ADAR: variants seen among roughly 807,000 people sequenced by gnomAD.
ADAR encodes adenosine deaminase RNA specific.
A neutral mutation model predicts 113.2 loss-of-function variants in ADAR; 41 were observed. The observed-to-expected ratio is 0.36, with a 90% CI of 0.28 to 0.47. The LOEUF is 0.47. ADAR is among the 20% of genes least tolerant of loss of function. The probability of loss-of-function intolerance (pLI) is 1.00; values close to 1 mark genes in which losing one functional copy is unlikely to be tolerated. For synonymous variants in ADAR, 605 were observed against 572.6 expected (o/e 1.06, Z -0.81); for missense variants, 1,242 against 1,540.9 (o/e 0.81, Z 3.25).
rs16836107 is a variant in ADAR, at chr1:154,592,303, C to A, written c.2271-1894G>T. The stretch of plus-strand genomic sequence containing the variant: ...TTCCCCCTCTCCTTCCTAAGTCAAA[C>A]TGTGCTATAATTGATTCTCGCTGCA... On this transcript the variant is annotated intron_variant, in intron 6 of 14. Transcript: ENST00000368474. Among the ~76,000 whole-genome samples the A allele has an allele frequency of 2.7e-3, 405 of 152,298 alleles. 17 individuals are homozygous for A. In the East Asian group the frequency reaches 0.071, roughly 27 times the overall value.
At chr1:154,606,646 C>T (rs1317783383) in intron 1 of ADAR, among the ~76,000 whole-genome samples, 2 of 152,148 alleles carry the variant, frequency 1.3e-5, no homozygotes, top group African/African-American at 2.4e-5. Context: ...CCGTTGAGTA[C>T]AGCCATTTGG....
intron 1 of ADAR, among the ~76,000 whole-genome samples, chr1:154,606,795 G>C (rs1235247770): frequency 2.0e-5 from 3 of 151,948 alleles, no homozygotes; most frequent in African/African-American, 7.3e-5. Context: ...CTTTAATCTG[G>C]TCTCACATAT....
At chr1:154,607,748 C>T (rs1180624593) in intron 1 of ADAR, among the ~76,000 whole-genome samples, 1 of 149,814 alleles carries the variant, frequency 6.7e-6, no homozygotes, top group African/African-American at 2.5e-5. Flanking sequence ...CACACACACA[C>T]ACACTCTCAC....
At chr1:154,620,109 A>G (rs879373319) in intron 1 of ADAR, among the ~76,000 whole-genome samples, 1 of 152,220 alleles carries the variant, frequency 6.6e-6, no homozygotes, top group Admixed American at 6.5e-5. Flanking sequence ...TGAACTATAC[A>G]CTTAAAAATG....
chr1:154,611,970 T>G (rs1201413478), upstream of ADAR, among the ~76,000 whole-genome samples: 1 of 152,252 alleles, frequency 6.6e-6, no homozygotes, highest in Non-Finnish European at 1.5e-5. Flanking sequence ...GAGTTGGTTT[T>G]GTTTTCCAAT....
At chr1:154,619,698 C>G (rs1698735620) in intron 1 of ADAR, among the ~76,000 whole-genome samples, 1 of 152,162 alleles carries the variant, frequency 6.6e-6, no homozygotes, top group Non-Finnish European at 1.5e-5. Context: ...GTAATGGGAA[C>G]AGACATGTAA....
chr1:154,627,617 C>T (rs1205011873), intron 1 of ADAR, among the ~76,000 whole-genome samples: 1 of 152,226 alleles, frequency 6.6e-6, no homozygotes, highest in African/African-American at 2.4e-5. Context: ...CGCGCACACA[C>T]GGGCGCGCAC....
chr1:154,624,153 G>T (rs941785131), intron 1 of ADAR, among the ~76,000 whole-genome samples: 6 of 152,200 alleles, frequency 3.9e-5, no homozygotes, highest in Non-Finnish European at 8.8e-5. Flanking sequence ...CTTGCCTTTG[G>T]ACTTTCTAGT....
intron 1 of ADAR, among the ~76,000 whole-genome samples, chr1:154,603,665 C>T (rs1332913077): frequency 1.3e-5 from 2 of 152,132 alleles, no homozygotes; most frequent in African/African-American, 2.4e-5. Flanking sequence ...GTACTGTCTT[C>T]TCCCCAGGGC....
intron 1 of ADAR, among the ~76,000 whole-genome samples, chr1:154,607,548 G>C (rs1302236558): frequency 6.6e-6 from 1 of 152,092 alleles, no homozygotes; most frequent in Non-Finnish European, 1.5e-5. Flanking sequence ...TTCCACAAGG[G>C]GCCCTAGCAG....
chr1:154,604,634 G>C (rs1435729188), intron 1 of ADAR, among the ~76,000 whole-genome samples: 1 of 152,146 alleles, frequency 6.6e-6, no homozygotes, highest in Non-Finnish European at 1.5e-5. Context: ...CCCAGGGTTT[G>C]GTGACACAGC....
chr1:154,613,532 G>A (rs1481623924), intron 1 of ADAR, among the ~76,000 whole-genome samples: 1 of 152,076 alleles, frequency 6.6e-6, no homozygotes, highest in African/African-American at 2.4e-5. Flanking sequence ...TGATCCGCCT[G>A]CCTCGGCCTC....
chr1:154,625,899 G>A (rs1306112292), intron 1 of ADAR, among the ~76,000 whole-genome samples: 1 of 151,724 alleles, frequency 6.6e-6, no homozygotes, highest in East Asian at 2.0e-4. Context: ...AGCTACTCGG[G>A]AGGCTGAGGA....
rs1010098322 is a variant in ADAR, at chr1:154,583,125, G to C, written c.*1681C>G. 1 of 152,202 alleles carries C rather than the reference G, an allele frequency of 6.6e-6. No homozygotes were observed. The highest frequency in any genetic ancestry group is 1.5e-5 in the Non-Finnish European group (1 of 68,042). 9.4% of individuals were successfully genotyped at this position (152,202 alleles called of 1,614,324 possible). On this transcript the variant is annotated 3_prime_UTR_variant, in exon 15 of 15. Coordinates refer to ENST00000368474, the MANE Select transcript of ADAR (RefSeq NM_001111.5). ...TGGCTCAGCACGTTCCCAGATGAAG[G>C]TCTGTCATCTAAAGGAGAGAGGCAG...
At position 154,601,911 on chromosome 1, in the gene ADAR, G is replaced by C; in HGVS notation, c.731C>G (p.Pro244Arg). The change falls in exon 2 of 15, where the codon CCT becomes CGT. Residue 244 changes from proline to arginine, a missense_variant. Pro to Arg is a moderately radical substitution (Grantham distance 103). Around this residue, in one of 2 missense-constraint regions of ADAR, gnomAD observed 462 missense variants for 483.1 expected, o/e 0.96. Coordinates refer to ENST00000368474, the MANE Select transcript of ADAR (RefSeq NM_001111.5). The surrounding 1 kb of genome is among the most constrained non-coding windows in gnomAD (Gnocchi z 4.7). ...STSVSEDLLEPFIAVSAQAWN... is the reference protein window; with the variant it reads ...STSVSEDLLERFIAVSAQAWN... ...AGCCTGAGCTGAGACTGCAATAAAA[G>C]GCTCAAGAAGATCTTCTGAGACAGA... The C allele has an allele frequency of 3.7e-6, 6 of 1,612,292 alleles. No individual in the cohort carries two copies. The highest frequency in any genetic ancestry group is 5.1e-6 in the Non-Finnish European group (6 of 1,179,680).
chr1:154,625,850 A>G (rs904055556), intron 1 of ADAR, among the ~76,000 whole-genome samples: 8 of 152,066 alleles, frequency 5.3e-5, no homozygotes, highest in Non-Finnish European at 8.8e-5. Context: ...CTAAAAATAC[A>G]AAAATTAGCC....
At chr1:154,585,701 A>G in intron 13 of ADAR, 52 bp downstream of exon 13, 3 of 1,472,714 alleles carry the variant, frequency 2.0e-6, no homozygotes, top group Middle Eastern at 1.7e-4. Flanking sequence ...TGTTTACATG[A>G]CTGCTTGAAA....
At chr1:154,587,140 A>G (rs569860938) in intron 11 of ADAR, among the ~76,000 whole-genome samples, 2 of 152,168 alleles carry the variant, frequency 1.3e-5, no homozygotes, top group Admixed American at 1.3e-4. Flanking sequence ...GTCACTCCTC[A>G]TCTCTCCAAC....
At chr1:154,599,563 G>T (rs541905379) in intron 2 of ADAR, among the ~76,000 whole-genome samples, 1 of 152,294 alleles carries the variant, frequency 6.6e-6, no homozygotes, top group Non-Finnish European at 1.5e-5. Flanking sequence ...CATGAAGACA[G>T]TCAAGACAAG....
Sources: gnomAD v4.1 joint callset for allele counts (sites outside exome capture counted in the v4.1 genomes callset) on GRCh38, gnomAD v4.1.1 for gene constraint, gnomAD v4.1.1 regional missense constraint, Gnocchi (gnomAD v3.1) non-coding constraint, MANE v1.5 for transcripts, NCBI Gene and HGNC (gene_info 2026-07-23, HGNC 2026-07-21) for gene names.